Variants in ATE1 observed in about 807,000 individuals in gnomAD.
The protein encoded by ATE1 is arginyltransferase 1.
ATE1 carries 36 observed loss-of-function variants against 70.5 expected under a neutral mutation model. The observed-to-expected ratio is 0.51, with a 90% confidence interval of 0.39 to 0.67. The LOEUF is 0.67. ATE1 is among the 30% of genes least tolerant of loss of function. ATE1 has a pLI of 0.00. For synonymous variants in ATE1, 232 were observed against 219.3 expected, an observed-to-expected ratio of 1.06 and a Z score of -0.51; for missense variants, 593 against 629.5, an observed-to-expected ratio of 0.94 and a Z score of 0.62.
chr10:121,831,090 T>C (rs1053525128), intron 10 of ATE1, among the ~76,000 whole-genome samples: 1 of 152,168 alleles, frequency 6.6e-6, no homozygotes, highest in Non-Finnish European at 1.5e-5. Flanking sequence ...GACTCCTTAC[T>C]CATTATAATG....
At chr10:121,770,233 A>AAT (rs377639308) in intron 11 of ATE1, among the ~76,000 whole-genome samples, 1 of 136,826 alleles carries the variant, frequency 7.3e-6, no homozygotes, top group African/African-American at 2.7e-5. Flanking sequence ...ACAAGAGAGA[A>AAT]ACACACACAC....
At chr10:121,868,589 G>C (rs532358623) in intron 8 of ATE1, among the ~76,000 whole-genome samples, 17 of 152,246 alleles carry the variant, frequency 1.1e-4, no homozygotes, top group Non-Finnish European at 2.2e-4. Flanking sequence ...CTCAGTGTTT[G>C]CCACAGATCA....
intron 11 of ATE1, among the ~76,000 whole-genome samples, chr10:121,772,507 T>G (rs1281162879): frequency 6.6e-6 from 1 of 152,178 alleles, no homozygotes; most frequent in Non-Finnish European, 1.5e-5. Context: ...GCAATGCTAA[T>G]GCAAGGGGCC....
chr10:121,913,480 A>G (rs1323137199), intron 4 of ATE1, among the ~76,000 whole-genome samples: 1 of 152,244 alleles, frequency 6.6e-6, no homozygotes, highest in Non-Finnish European at 1.5e-5. Flanking sequence ...CTTCATAAGG[A>G]TAGTATTAGG....
In ATE1 at chr10:121,742,616, AAAGT is replaced by A. The variant is rs1944185118; in HGVS notation, c.*1060_*1063del. ...AGGTGGGCAAAGGACTCAGCAAAAG[AAAGT>A]GAGGGAAGGAGGGGGCTGGCCTCTG... On this transcript the variant is annotated 3_prime_UTR_variant, in exon 12 of 12. Transcript: ENST00000224652. 2 of 152,362 alleles carry A rather than the reference AAAGT, an allele frequency of 1.3e-5. No individual in the cohort carries two copies. The highest frequency in any genetic ancestry group is 4.1e-4 in the South Asian group (2 of 4,834). The allele number at this position is 152,362 out of a possible 1,614,324, so 9.4% of individuals were successfully genotyped here.
intron 11 of ATE1, among the ~76,000 whole-genome samples, chr10:121,753,273 C>T (rs1294248537): frequency 1.3e-5 from 2 of 152,106 alleles, no homozygotes; most frequent in African/African-American, 4.8e-5. Context: ...AGTGTTTCTT[C>T]TTCCTTTCCA....
At chr10:121,792,606 G>A (rs1946500320) in intron 10 of ATE1, among the ~76,000 whole-genome samples, 1 of 152,156 alleles carries the variant, frequency 6.6e-6, no homozygotes. Context: ...GATTTACTTA[G>A]GAAGTGTAAT....
intron 5 of ATE1, among the ~76,000 whole-genome samples, chr10:121,904,289 C>T (rs956671403): frequency 2.0e-5 from 3 of 151,096 alleles, no homozygotes; most frequent in Non-Finnish European, 4.4e-5. Context: ...GCCGAATTTT[C>T]CAACAATGAA....
chr10:121,918,895 G>A (rs1238588420), intron 3 of ATE1, among the ~76,000 whole-genome samples: 3 of 152,196 alleles, frequency 2.0e-5, no homozygotes, highest in Middle Eastern at 3.4e-3. Context: ...ATTGTAAAAC[G>A]CCCCAATCGG....
intron 7 of ATE1, among the ~76,000 whole-genome samples, chr10:121,885,750 A>C (rs1358002594): frequency 2.0e-5 from 3 of 151,554 alleles, no homozygotes; most frequent in Admixed American, 6.6e-5. Context: ...AAATACAAAA[A>C]TTAGCCGGGC....
At chr10:121,819,747 C>A (rs541073602) in intron 10 of ATE1, among the ~76,000 whole-genome samples, 15 of 147,438 alleles carry the variant, frequency 1.0e-4, no homozygotes, top group Non-Finnish European at 2.2e-4. Flanking sequence ...GTGATGGGTA[C>A]ACCAAAATCT....
At chr10:121,802,439 G>A (rs1946925377) in intron 10 of ATE1, among the ~76,000 whole-genome samples, 1 of 151,822 alleles carries the variant, frequency 6.6e-6, no homozygotes, top group South Asian at 2.1e-4. Flanking sequence ...CTCCCGAGTT[G>A]CTGGGATTAC....
At chr10:121,835,543 A>T (rs889707547) in intron 10 of ATE1, among the ~76,000 whole-genome samples, 10 of 152,026 alleles carry the variant, frequency 6.6e-5, no homozygotes, top group Admixed American at 6.6e-4. Context: ...TCGCAAATAT[A>T]ATGTATGAAC....
At chr10:121,881,983 A>G (rs139862278) in intron 7 of ATE1, among the ~76,000 whole-genome samples, 6 of 152,152 alleles carry the variant, frequency 3.9e-5, no homozygotes, top group African/African-American at 9.6e-5. Context: ...TTTAGTAGAG[A>G]TGGGGTTTTG....
chr10:121,928,288 C>T, upstream of ATE1: 2 of 1,487,768 alleles, frequency 1.3e-6, no homozygotes, highest in Non-Finnish European at 9.0e-7. Flanking sequence ...CCCTTTCCCC[C>T]GCCGAGGGCC....
rs551794983 is a variant in ATE1, at chr10:121,852,535, ACC to A, written c.976-11274_976-11273del. Among the ~76,000 whole-genome samples the A allele has an allele frequency of 2.4e-4, 37 of 152,172 alleles. No homozygotes were observed. The South Asian group carries it at 7.5e-3, about 31-fold the overall frequency. ...AGACCAGCCTGGCCAACATGGCGAAACCCCTTCTCTACTAAAAATACAAAAAT... is the reference window on the plus strand; with the variant it reads ...AGACCAGCCTGGCCAACATGGCGAAACCTTCTCTACTAAAAATACAAAAAT... On this transcript the variant is annotated intron_variant, in intron 8 of 11. Coordinates refer to ENST00000224652, the MANE Select transcript of ATE1 (RefSeq NM_001001976.3).
rs532188219 is a variant in ATE1, at chr10:121,923,057, A to C, written c.171-646T>G. Among the ~76,000 whole-genome samples the C allele has an allele frequency of 8.5e-5, 13 of 152,258 alleles. 1 individual carries two copies. The highest frequency in any genetic ancestry group is 3.1e-4 in the African/African-American group (13 of 41,540). ...CATCTGGATAGCGCAATAACCTTTG[A>C]ACTCATCTTCCTGCCTCTATGACCC... On this transcript the variant is annotated intron_variant, in intron 2 of 11. Transcript: ENST00000224652.
At chr10:121,749,638 A>G (rs1223522539) in intron 11 of ATE1, among the ~76,000 whole-genome samples, 1 of 152,228 alleles carries the variant, frequency 6.6e-6, no homozygotes, top group Admixed American at 6.5e-5. Context: ...TTTTAATTTT[A>G]CATCATTTTT....
At chr10:121,785,016 T>A (rs930665018) in intron 11 of ATE1, among the ~76,000 whole-genome samples, 4 of 152,290 alleles carry the variant, frequency 2.6e-5, no homozygotes, top group African/African-American at 9.6e-5. Context: ...CATTTTCTTG[T>A]TTCAATGGTT....
Sources: gnomAD v4.1 joint callset for allele counts (sites outside exome capture counted in the v4.1 genomes callset) on GRCh38, gnomAD v4.1.1 for gene constraint, MANE v1.5 for transcripts, NCBI Gene and HGNC (gene_info 2026-07-23, HGNC 2026-07-21) for gene names.